The following GOLGA1 variants were observed in gnomAD, a reference collection of about 807,000 sequenced individuals.
GOLGA1 encodes the protein golgin A1.
A neutral mutation model predicts 119.7 loss-of-function variants in GOLGA1; 63 were observed. That is an observed-to-expected ratio of 0.53 (90% CI 0.43 to 0.65). The LOEUF (loss-of-function observed/expected upper bound fraction) is 0.65. Among genes scored for constraint, GOLGA1 ranks in the 30% least tolerant of loss-of-function variants. The probability of loss-of-function intolerance (pLI) is 0.00; values close to 1 mark genes in which losing one functional copy is unlikely to be tolerated. For missense variants in GOLGA1, 798 were observed against 912.8 expected (o/e 0.87, Z 1.62); for synonymous variants, 318 against 333.4 (o/e 0.95, Z 0.50).
At chr9:124,906,477 C>T (rs910898338) in intron 12 of GOLGA1, among the ~76,000 whole-genome samples, 2 of 151,120 alleles carry the variant, frequency 1.3e-5, no homozygotes, top group Non-Finnish European at 2.9e-5. Flanking sequence ...AGGCCGGGCG[C>T]GGTGGCTCAC....
Position 124,899,420 on chromosome 9 carries a change from T to G in GOLGA1, c.1220A>C (p.Gln407Pro). ...TAGCGCCTGGGTGCGCTCCAAGAAC[T>G]GCTGCTCCAGAGCAAGGGCCTGCTG... is the stretch of plus-strand genomic sequence containing the variant. ...VQQQALALEQ[Q>P]FLERTQALEA... Residue 407 changes from glutamine (Q) to proline (P), a missense_variant, in exon 14 of 23, where the codon CAG becomes CCG. By Grantham distance (76) the Gln-to-Pro change is moderately conservative. Coordinates refer to ENST00000373555, the MANE Select transcript of GOLGA1 (RefSeq NM_002077.4). 6.5e-7 allele frequency: 1 copy of G among 1,548,618 alleles called. No homozygotes were observed. Among genetic ancestry groups the G allele is most frequent in the Non-Finnish European group, 8.7e-7 (1 of 1,147,734 alleles).
rs891745683 is a variant in GOLGA1 at position 124,888,251 on chromosome 9, A to G, written c.1905+2T>C. 1.1e-5 allele frequency: 17 copies of G among 1,613,746 alleles called. No individual in the cohort carries two copies. Among genetic ancestry groups the G allele is most frequent in the Non-Finnish European group, 1.4e-5 (17 of 1,179,806 alleles). On this transcript the variant is annotated splice_donor_variant, in intron 19 of 22. Transcript: ENST00000373555. LOFTEE classifies it high-confidence loss of function. This position sits in a 1 kb window ranked among gnomAD's most constrained non-coding sequence, Gnocchi z 4.4. ...AAACAGCCATGCAAAAGGCATCCTC[A>G]CCTTATTTTTCTCCAGAAGTTGCTG...
In GOLGA1 at chr9:124,928,235, C is replaced by T. The variant is rs1454184024; in HGVS notation, c.352G>A (p.Ala118Thr). ...AAAGCCAGTCCTTCTGCCATTTTGGCTCTGTTGGCTTGGAATGTCTCATTC... is the reference window on the plus strand; with the variant it reads ...AAAGCCAGTCCTTCTGCCATTTTGGTTCTGTTGGCTTGGAATGTCTCATTC... ...EQNETFQANR[A>T]KMAEGLALAL... The change falls in exon 6 of 23, where the codon GCC (alanine) becomes ACC (threonine). Residue 118 changes from alanine (A) to threonine (T), a missense_variant. Transcript: ENST00000373555. 1 of 1,608,700 alleles carries T rather than the reference C, an allele frequency of 6.2e-7. No homozygotes were observed. Among genetic ancestry groups the T allele is most frequent in the Non-Finnish European group, 8.5e-7 (1 of 1,175,912 alleles).
chr9:124,917,342 T>C (rs926017645), intron 10 of GOLGA1, among the ~76,000 whole-genome samples: 3 of 152,192 alleles, frequency 2.0e-5, no homozygotes, highest in Non-Finnish European at 2.9e-5. Flanking sequence ...TATGTTTTTA[T>C]ATATACTCAA....
chr9:124,898,609 T>G lies in GOLGA1; in HGVS notation c.1347A>C (p.Glu449Asp), dbSNP rs755727070. The G allele has an allele frequency of 6.8e-6, 11 of 1,611,828 alleles. No individual in the cohort carries two copies. The change falls in exon 15 of 23, where the codon GAA becomes GAC. Residue 449 changes from glutamate to aspartate, a missense_variant. Physicochemically the swap from Glu to Asp is conservative, Grantham distance 45. Coordinates refer to ENST00000373555, the MANE Select transcript of GOLGA1 (RefSeq NM_002077.4). ...QLEQENAALKECRNEYERSLQ... is the reference protein window; with the variant it reads ...QLEQENAALKDCRNEYERSLQ... ...AAGAACGTTCATATTCATTCCTGCA[T>G]TCTTTAAGGGCTGCATTTTCTTGCT...
Position 124,938,856 on chromosome 9 carries a change from C to T in GOLGA1, c.-145G>A. On this transcript the variant is annotated 5_prime_UTR_variant, in exon 3 of 23. Transcript: ENST00000373555. Reference sequence around the variant, plus strand: ...TTAAATGTGGGCCAAGGGCTTATGGCAACACAGGATCTACAAATCAGATGA... The same window carrying T: ...TTAAATGTGGGCCAAGGGCTTATGGTAACACAGGATCTACAAATCAGATGA... 1 of 566,628 alleles carries T rather than the reference C, an allele frequency of 1.8e-6. No homozygotes were observed. The allele number at this position is 566,628 out of a possible 1,614,324, so 35.1% of individuals were successfully genotyped here.
At chr9:124,894,105 T>G (rs965984722) in intron 15 of GOLGA1, among the ~76,000 whole-genome samples, 18 of 152,226 alleles carry the variant, frequency 1.2e-4, no homozygotes, top group African/African-American at 4.1e-4. Flanking sequence ...TCTTGACCAG[T>G]TGGCAGCATA....
intron 12 of GOLGA1, among the ~76,000 whole-genome samples, chr9:124,901,644 C>A (rs746687368): frequency 6.6e-5 from 10 of 152,070 alleles, no homozygotes; most frequent in Non-Finnish European, 1.0e-4. Context: ...ACCATGTTAG[C>A]CAGGATGGTC....
At chr9:124,917,399 T>C (rs571079019) in intron 10 of GOLGA1, among the ~76,000 whole-genome samples, 3 of 152,232 alleles carry the variant, frequency 2.0e-5, no homozygotes, top group African/African-American at 4.8e-5. Flanking sequence ...CTTCACACAA[T>C]ACCAGCCCTT....
At chr9:124,891,103 A>G (rs1829845221) in intron 15 of GOLGA1, among the ~76,000 whole-genome samples, 1 of 152,156 alleles carries the variant, frequency 6.6e-6, no homozygotes, top group Admixed American at 6.5e-5. Context: ...CTGCAGGAAA[A>G]TGGATTCCTT....
intron 12 of GOLGA1, among the ~76,000 whole-genome samples, chr9:124,901,213 C>T (rs1343870800): frequency 6.6e-6 from 1 of 151,770 alleles, no homozygotes; most frequent in East Asian, 1.9e-4. Context: ...CCTCGTGATC[C>T]ACCTGCCTTA....
intron 19 of GOLGA1, among the ~76,000 whole-genome samples, chr9:124,887,817 T>C (rs1447505634): frequency 2.0e-5 from 3 of 151,350 alleles, no homozygotes; most frequent in Non-Finnish European, 4.4e-5. Flanking sequence ...TACCAGAGAG[T>C]TTATAAAGTT....
chr9:124,888,062 G>A lies in GOLGA1; in HGVS notation c.1905+191C>T, dbSNP rs747200470. Among the ~76,000 whole-genome samples, 1 of 152,168 alleles carries A rather than the reference G, an allele frequency of 6.6e-6. No homozygotes were observed. The highest frequency in any genetic ancestry group is 1.5e-5 in the Non-Finnish European group (1 of 68,028). ...TCCAGGGGGTGGGGAGAAGAGGGCTGGGGAGGGTGTGGAGGAGGACAGTGC... is the reference window on the plus strand; with the variant it reads ...TCCAGGGGGTGGGGAGAAGAGGGCTAGGGAGGGTGTGGAGGAGGACAGTGC... On this transcript the variant is annotated intron_variant, in intron 19 of 22. Coordinates refer to ENST00000373555, the MANE Select transcript of GOLGA1 (RefSeq NM_002077.4). This position sits in a 1 kb window ranked among gnomAD's most constrained non-coding sequence, Gnocchi z 4.4.
chr9:124,942,852 A>G (rs1831080616), upstream of GOLGA1: 1 of 152,234 alleles, frequency 6.6e-6, no homozygotes, highest in African/African-American at 2.4e-5. Flanking sequence ...AGTGCCCTCA[A>G]GGTGGTAGGC....
At chr9:124,920,962 C>A (rs1262026946) in intron 10 of GOLGA1, among the ~76,000 whole-genome samples, 167 bp downstream of exon 10, 1 of 152,070 alleles carries the variant, frequency 6.6e-6, no homozygotes, top group Non-Finnish European at 1.5e-5. Flanking sequence ...CCTTGTTCAG[C>A]TGTATGGCCA....
chr9:124,880,741 A>G lies in GOLGA1; in HGVS notation c.2224-131T>C, dbSNP rs575576877. 1.4e-5 allele frequency: 9 copies of G among 651,312 alleles called. No individual in the cohort carries two copies. In the East Asian group the frequency reaches 2.6e-4, roughly 19 times the overall value. 40.3% of individuals were successfully genotyped at this position (651,312 alleles called of 1,614,324 possible). ...ACATCCTGCCTCTGGCTCTGAGCAG[A>G]GCAAGAAGATGGTGCCAGTAACCAG... On this transcript the variant is annotated intron_variant, in intron 22 of 22. Coordinates refer to ENST00000373555, the MANE Select transcript of GOLGA1 (RefSeq NM_002077.4).
intron 19 of GOLGA1, among the ~76,000 whole-genome samples, chr9:124,885,000 G>C (rs1427300421): frequency 6.6e-6 from 1 of 152,118 alleles, no homozygotes; most frequent in Non-Finnish European, 1.5e-5. Context: ...TTCCAGACCA[G>C]CCTGGCCAAC....
intron 10 of GOLGA1, among the ~76,000 whole-genome samples, chr9:124,918,530 G>A (rs1040594090): frequency 2.0e-5 from 3 of 152,034 alleles, no homozygotes; most frequent in African/African-American, 7.2e-5. Context: ...TTTGAGGGCC[G>A]AGGTGGGCAG....
chr9:124,920,845 CA>C (rs1312201802), intron 10 of GOLGA1, among the ~76,000 whole-genome samples: 1 of 77,240 alleles, frequency 1.3e-5, no homozygotes, highest in Non-Finnish European at 2.9e-5. Context: ...GACTCTGTCC[CA>C]AAAAAAAAGA....
Sources: allele counts gnomAD v4.1 joint callset (sites outside exome capture counted in the v4.1 genomes callset), GRCh38; gene constraint gnomAD v4.1.1; non-coding constraint Gnocchi (gnomAD v3.1); transcripts MANE v1.5; gene names NCBI Gene and HGNC (gene_info 2026-07-23, HGNC 2026-07-21).